The following CRYGC variants were observed in gnomAD, a reference collection of about 807,000 sequenced individuals.
The protein encoded by CRYGC is crystallin gamma C.
A neutral mutation model predicts 21.9 loss-of-function variants in CRYGC; 14 were observed. That is an observed-to-expected ratio of 0.64 (90% confidence interval 0.42 to 1.00). The LOEUF is 1.00. CRYGC is among the 50% of genes least tolerant of loss of function. The pLI, the probability that CRYGC is intolerant of heterozygous loss-of-function variation, is 0.00. For missense variants in CRYGC, 235 were observed against 234.2 expected (o/e 1.00, Z -0.02); for synonymous variants, 96 against 89.8 (o/e 1.07, Z -0.39).
At position 208,128,226 on chromosome 2, in the gene CRYGC, G is replaced by A. The variant is rs28931604; in HGVS notation, c.502C>T (p.Arg168Trp). The A allele has an allele frequency of 6.7e-4, 1,083 of 1,614,202 alleles. 19 individuals are homozygous for A. In the South Asian group the frequency reaches 0.011, roughly 16 times the overall value. ...GAMDAKAGSL[R>W]RVVDLY ...TTTTAATACAAATCCACCACTCTCC[G>A]CAAAGAGCCTGCCTTAGCATCCATG... The change falls in exon 3 of 3, where the codon CGG becomes TGG. Residue 168 changes from arginine to tryptophan, a missense_variant. Coordinates refer to ENST00000282141, the MANE Select transcript of CRYGC (RefSeq NM_020989.4).
intron 2 of CRYGC, 33 bp downstream of exon 2, chr2:208,129,406 ACT>A (rs1350499724): frequency 1.2e-6 from 2 of 1,610,964 alleles, no homozygotes; most frequent in South Asian, 2.2e-5. Context: ...TACAGTGGGG[ACT>A]CTGGCGGCAT....
At chr2:208,128,625 C>G (rs1231415301) in intron 2 of CRYGC, 150 bp from the exon 3 acceptor site, 10 of 911,748 alleles carry the variant, frequency 1.1e-5, no homozygotes, top group Non-Finnish European at 1.6e-5. Flanking sequence ...ACTGTGGTTG[C>G]TGCGCATGGA....
In CRYGC at chr2:208,129,591, G is replaced by A; in HGVS notation, c.102C>T (p.Asn34=). The change falls in exon 2 of 3, where the codon AAC becomes AAT. Residue 34 remains asparagine (N), a synonymous_variant. Transcript: ENST00000282141. ...PNLQPYFSRC[N]SIRVESGCWM... is the part of the protein sequence containing the mutation. ...AGCAGCCGCTCTCCACCCGGATGGA[G>A]TTGCAGCGGCTGAAATACGGCTGCA... The A allele has an allele frequency of 6.2e-7, 1 of 1,614,268 alleles. No individual in the cohort carries two copies. The highest frequency in any genetic ancestry group is 8.5e-7 in the Non-Finnish European group (1 of 1,180,046).
chr2:208,129,453 A>T lies in CRYGC; in HGVS notation c.240T>A (p.Cys80Ter), dbSNP rs767906422. ...CTAGAAAACTCACTTGGGGGATGAG[A>T]CAACAGGAGCGGATGGAGTCGCTGA... ...MGLSDSIRSC[C>*]LIPQTVSHRL... The change falls in exon 2 of 3, where the codon TGT (cysteine) becomes TGA (stop). Residue 80 changes from cysteine (C) to a stop codon, truncating the protein, a stop_gained. Coordinates refer to ENST00000282141, the MANE Select transcript of CRYGC (RefSeq NM_020989.4). LOFTEE classifies it high-confidence loss of function. 6.2e-7 allele frequency: 1 copy of T among 1,613,126 alleles called. No homozygotes were observed. The highest frequency in any genetic ancestry group is 1.3e-5 in the African/African-American group (1 of 74,924).
chr2:208,129,476 T>G lies in CRYGC; in HGVS notation c.217A>C (p.Ser73Arg), dbSNP rs1032571995. The G allele has an allele frequency of 1.2e-6, 2 of 1,613,720 alleles. No homozygotes were observed. The highest frequency in any genetic ancestry group is 2.7e-5 in the African/African-American group (2 of 74,930). ...YPDYQQWMGL[S>R]DSIRSCCLIP... is the part of the protein sequence containing the mutation. ...AGACAACAGGAGCGGATGGAGTCGCTGAGGCCCATCCATTGCTGGTAGTCG... is the reference window on the plus strand; with the variant it reads ...AGACAACAGGAGCGGATGGAGTCGCGGAGGCCCATCCATTGCTGGTAGTCG... Residue 73 changes from serine (S) to arginine (R), a missense_variant, in exon 2 of 3, where the codon AGC (serine) becomes CGC (arginine). Transcript: ENST00000282141.
chr2:208,129,685 T>C lies in CRYGC; in HGVS notation c.10-2A>G. 2 of 1,614,246 alleles carry C rather than the reference T, an allele frequency of 1.2e-6. No individual in the cohort carries two copies. The highest frequency in any genetic ancestry group is 1.7e-6 in the Non-Finnish European group (2 of 1,180,046). On this transcript the variant is annotated splice_acceptor_variant, in intron 1 of 2. Coordinates refer to ENST00000282141, the MANE Select transcript of CRYGC (RefSeq NM_020989.4). LOFTEE classifies it high-confidence loss of function. ...GGCCCTGTCCTCATAGAAGGTGATC[T>C]GCAAAGGAAGAATCGTTCCGAATTA...
At chr2:208,128,596 A>G in intron 2 of CRYGC, 121 bp from the exon 3 acceptor site, 1 of 1,213,094 alleles carries the variant, frequency 8.2e-7, no homozygotes, top group East Asian at 2.5e-5. Context: ...TAAAATTTAG[A>G]CAGTGTAAAA....
rs767818146 is a variant in CRYGC at position 208,129,515 on chromosome 2, G to A, written c.178C>T (p.Arg60Ter). The change falls in exon 2 of 3, where the codon CGA (arginine) becomes TGA (stop). Residue 60 changes from arginine to a stop codon, truncating the protein, a stop_gained. Transcript: ENST00000282141. LOFTEE classifies it high-confidence loss of function. ...NYQGQQYLLR[R>*]GEYPDYQQWM... is the part of the protein sequence containing the mutation. ...TGCTGGTAGTCGGGGTACTCCCCTC[G>A]CCGCAGCAAGTATTGTTGACCTTGG... is the stretch of plus-strand genomic sequence containing the variant. 2.0e-5 allele frequency: 33 copies of A among 1,614,040 alleles called. No homozygotes were observed. Among genetic ancestry groups the A allele is most frequent in the Non-Finnish European group, 2.3e-5 (27 of 1,180,054 alleles).
chr2:208,128,305 C>T lies in CRYGC; in HGVS notation c.423G>A (p.Gly141=), dbSNP rs1160296472. 2.5e-6 allele frequency: 4 copies of T among 1,614,196 alleles called. No homozygotes were observed. The African/African-American group carries it at 5.3e-5, about 22-fold the overall frequency. The change falls in exon 3 of 3, where the codon GGG becomes GGA. Residue 141 remains glycine (G), a synonymous_variant. Transcript: ENST00000282141. ...WVLYELPNYR[G]RQYLLRPQEY... The stretch of plus-strand genomic sequence containing the variant: ...CTTGGGGCCTCAGCAGGTATTGCCG[C>T]CCCCGGTAGTTGGGCAGCTCGTAGA...
chr2:208,128,524 C>G (rs747584196), intron 2 of CRYGC, 49 bp from the exon 3 acceptor site: 2 of 1,610,534 alleles, frequency 1.2e-6, no homozygotes, highest in Non-Finnish European at 1.7e-6. Flanking sequence ...TGAGTCTCTT[C>G]CAGAATTTGT....
At position 208,128,443 on chromosome 2, in the gene CRYGC, C is replaced by T; in HGVS notation, c.285G>A (p.Arg95=). 1.2e-6 allele frequency: 2 copies of T among 1,614,204 alleles called. No homozygotes were observed. Among genetic ancestry groups the T allele is most frequent in the Non-Finnish European group, 1.7e-6 (2 of 1,180,034 alleles). ...CCATCATGAGGCCTTTGTGGTCTTC[C>T]CTCTCGTACAGCCGCAGCCTGTGGG... is the stretch of plus-strand genomic sequence containing the variant. ...TVSHRLRLYE[R]EDHKGLMMEL... is the part of the protein sequence containing the mutation. The change falls in exon 3 of 3, where the codon AGG becomes AGA. Residue 95 remains arginine, a synonymous_variant. Coordinates refer to ENST00000282141, the MANE Select transcript of CRYGC (RefSeq NM_020989.4).
rs746001397 is a variant in CRYGC at position 208,129,812 on chromosome 2, T to C, written c.-20A>G. On this transcript the variant is annotated 5_prime_UTR_variant, in exon 1 of 3. Transcript: ENST00000282141. The stretch of plus-strand genomic sequence containing the variant: ...CCCCATGGCTGGTTGACACGGATGA[T>C]GCGAGTTCAGTGTGATGGGGCCTGC... 6.2e-7 allele frequency: 1 copy of C among 1,614,118 alleles called. No individual in the cohort carries two copies. The highest frequency in any genetic ancestry group is 1.7e-5 in the Admixed American group (1 of 60,020).
At position 208,129,732 on chromosome 2, in the gene CRYGC, A is replaced by G. The variant is rs116267810; in HGVS notation, c.10-49T>C. 1,221 of 1,614,256 alleles carry G rather than the reference A, an allele frequency of 7.6e-4. 13 individuals carry two copies. In the African/African-American group the frequency reaches 0.015, roughly 20 times the overall value. ...ATTACATTATTTGCTCCTAACAGGCATTATATAAAGGCAACTTTTTTTTCA... is the reference window on the plus strand; with the variant it reads ...ATTACATTATTTGCTCCTAACAGGCGTTATATAAAGGCAACTTTTTTTTCA... On this transcript the variant is annotated intron_variant, in intron 1 of 2. Coordinates refer to ENST00000282141, the MANE Select transcript of CRYGC (RefSeq NM_020989.4).
At position 208,129,521 on chromosome 2, in the gene CRYGC, G is replaced by C; in HGVS notation, c.172C>G (p.Leu58Val). The change falls in exon 2 of 3, where the codon CTG (leucine) becomes GTG (valine). Residue 58 changes from leucine (L) to valine (V), a missense_variant. Leu to Val is a conservative substitution (Grantham distance 32). Coordinates refer to ENST00000282141, the MANE Select transcript of CRYGC (RefSeq NM_020989.4). The part of the protein sequence containing the change: ...RPNYQGQQYL[L>V]RRGEYPDYQQ... ...TAGTCGGGGTACTCCCCTCGCCGCA[G>C]CAAGTATTGTTGACCTTGGTAGTTG... 6.2e-7 allele frequency: 1 copy of C among 1,614,210 alleles called. No homozygotes were observed.
chr2:208,128,417 T>C lies in CRYGC; in HGVS notation c.311A>G (p.Glu104Gly). ...GATGCTGGGGCAGTCTTCACTCAGC[T>C]CCATCATGAGGCCTTTGTGGTCTTC... ...EREDHKGLMM[E>G]LSEDCPSIQD... The change falls in exon 3 of 3, where the codon GAG (glutamate) becomes GGG (glycine). Residue 104 changes from glutamate (E) to glycine (G), a missense_variant. By Grantham distance (98) the Glu-to-Gly change is moderately conservative (BLOSUM62 -2). Coordinates refer to ENST00000282141, the MANE Select transcript of CRYGC (RefSeq NM_020989.4). The C allele has an allele frequency of 6.2e-7, 1 of 1,614,138 alleles. No homozygotes were observed. Among genetic ancestry groups the C allele is most frequent in the Non-Finnish European group, 8.5e-7 (1 of 1,180,012 alleles).
chr2:208,128,231 G>C lies in CRYGC; in HGVS notation c.497C>G (p.Ser166Cys), dbSNP rs587778872. 7 of 1,614,234 alleles carry C rather than the reference G, an allele frequency of 4.3e-6. No individual in the cohort carries two copies. Among genetic ancestry groups the C allele is most frequent in the Non-Finnish European group, 5.9e-6 (7 of 1,180,040 alleles). ...DWGAMDAKAG[S>C]LRRVVDLY is the part of the protein sequence containing the mutation. ...ATACAAATCCACCACTCTCCGCAAA[G>C]AGCCTGCCTTAGCATCCATGGCCCC... Residue 166 changes from serine (S) to cysteine (C), a missense_variant, in exon 3 of 3, where the codon TCT (serine) becomes TGT (cysteine). Transcript: ENST00000282141.
At chr2:208,128,965 A>AT (rs1695045791) in intron 2 of CRYGC, among the ~76,000 whole-genome samples, 1 of 152,210 alleles carries the variant, frequency 6.6e-6, no homozygotes, top group Admixed American at 6.5e-5. Context: ...AATTTAACTG[A>AT]TTTTCCAAAT....
chr2:208,129,522 C>G lies in CRYGC; in HGVS notation c.171G>C (p.Leu57Phe). Residue 57 changes from leucine (L) to phenylalanine (F), a missense_variant, in exon 2 of 3, where the codon TTG (leucine) becomes TTC (phenylalanine). Coordinates refer to ENST00000282141, the MANE Select transcript of CRYGC (RefSeq NM_020989.4). ...ERPNYQGQQY[L>F]LRRGEYPDYQ... ...AGTCGGGGTACTCCCCTCGCCGCAG[C>G]AAGTATTGTTGACCTTGGTAGTTGG... 1 of 1,614,214 alleles carries G rather than the reference C, an allele frequency of 6.2e-7. No individual in the cohort carries two copies. Among genetic ancestry groups the G allele is most frequent in the Non-Finnish European group, 8.5e-7 (1 of 1,180,048 alleles).
intron 2 of CRYGC, 28 bp from the exon 3 acceptor site, chr2:208,128,503 A>G: frequency 6.2e-7 from 1 of 1,614,020 alleles, no homozygotes. Flanking sequence ...AGAAGGATGG[A>G]AAAAAGCAAA....
Sources: gnomAD v4.1 joint callset for allele counts (sites outside exome capture counted in the v4.1 genomes callset) on GRCh38, gnomAD v4.1.1 for gene constraint, MANE v1.5 for transcripts, NCBI Gene and HGNC (gene_info 2026-07-23, HGNC 2026-07-21) for gene names.